DSCAM: variants seen among roughly 807,000 people sequenced by gnomAD.
DSCAM encodes the protein cell adhesion molecule DSCAM.
A neutral mutation model predicts 217.7 loss-of-function variants in DSCAM; 47 were observed. That is an observed-to-expected ratio of 0.22 (90% confidence interval 0.17 to 0.28). The LOEUF (loss-of-function observed/expected upper bound fraction) is 0.28. Among genes scored for constraint, DSCAM ranks in the 10% least tolerant of loss-of-function variants. DSCAM has a pLI of 1.00. For missense variants in DSCAM, 2,080 were observed against 2,618.3 expected, an observed-to-expected ratio of 0.79 and a Z score of 4.49; for synonymous variants, 1,056 against 1,015.3, an observed-to-expected ratio of 1.04 and a Z score of -0.76.
intron 3 of DSCAM, among the ~76,000 whole-genome samples, chr21:40,494,700 C>A (rs1473475730): frequency 1.3e-5 from 2 of 148,398 alleles, no homozygotes; most frequent in African/African-American, 5.0e-5. Flanking sequence ...CTTCAAGGAA[C>A]AAGAAAAAGG....
At chr21:40,075,310 A>T (rs2089350272) in intron 26 of DSCAM, 97 bp from the exon 27 acceptor site, 3 of 1,349,150 alleles carry the variant, frequency 2.2e-6, no homozygotes, top group Non-Finnish European at 3.1e-6. Context: ...TGTGTGATCC[A>T]AGGGTGTTGG....
At chr21:40,634,729 C>T (rs1423473783) in intron 3 of DSCAM, among the ~76,000 whole-genome samples, 1 of 152,176 alleles carries the variant, frequency 6.6e-6, no homozygotes, top group African/African-American at 2.4e-5. Flanking sequence ...TGTGTATCTA[C>T]AAGGTTGTCT....
intron 3 of DSCAM, among the ~76,000 whole-genome samples, chr21:40,471,049 T>C (rs932407149): frequency 6.6e-6 from 1 of 152,232 alleles, no homozygotes; most frequent in Non-Finnish European, 1.5e-5. Flanking sequence ...ATTTCTTTAC[T>C]GGTATTTTTC....
At chr21:40,141,281 G>A (rs193271351) in intron 18 of DSCAM, among the ~76,000 whole-genome samples, 30 of 152,292 alleles carry the variant, frequency 2.0e-4, no homozygotes, top group Admixed American at 3.3e-4. Flanking sequence ...AAAATTAGAG[G>A]TGAGCACTCA....
At chr21:40,763,630 T>C (rs2091358631) in intron 1 of DSCAM, among the ~76,000 whole-genome samples, 1 of 152,194 alleles carries the variant, frequency 6.6e-6, no homozygotes, top group African/African-American at 2.4e-5. Flanking sequence ...AGAGCCTGTG[T>C]AGCCAAGACA....
chr21:40,051,573 C>A (rs911971215), intron 30 of DSCAM, among the ~76,000 whole-genome samples: 1 of 152,158 alleles, frequency 6.6e-6, no homozygotes, highest in African/African-American at 2.4e-5. Flanking sequence ...ATACCTGCTT[C>A]ACGAGTAGGT....
intron 2 of DSCAM, among the ~76,000 whole-genome samples, chr21:40,695,732 A>G (rs1181744849): frequency 6.6e-6 from 1 of 152,258 alleles, no homozygotes; most frequent in Non-Finnish European, 1.5e-5. Flanking sequence ...CTGAATATAT[A>G]GAAAGACAGA....
chr21:40,408,210 T>G (rs2075294788), intron 3 of DSCAM, among the ~76,000 whole-genome samples: 1 of 151,962 alleles, frequency 6.6e-6, no homozygotes, highest in African/African-American at 2.4e-5. Flanking sequence ...CCTAAATAAT[T>G]CAGGGTTAGC....
At chr21:40,546,748 G>A (rs1042423103) in intron 3 of DSCAM, among the ~76,000 whole-genome samples, 7 of 152,130 alleles carry the variant, frequency 4.6e-5, no homozygotes, top group African/African-American at 1.7e-4. Flanking sequence ...TGCTAAAGTT[G>A]GATTTATGTC....
intron 2 of DSCAM, among the ~76,000 whole-genome samples, chr21:40,700,320 T>A (rs1225383614): frequency 1.3e-5 from 2 of 152,244 alleles, no homozygotes; most frequent in Non-Finnish European, 2.9e-5. Context: ...TGATGTTCGC[T>A]ATAGCAGGAT....
At chr21:40,540,816 A>G (rs913965982) in intron 3 of DSCAM, among the ~76,000 whole-genome samples, 1 of 152,166 alleles carries the variant, frequency 6.6e-6, no homozygotes, top group African/African-American at 2.4e-5. Context: ...ACAAATATTG[A>G]GCCAACCAAC....
intron 32 of DSCAM, among the ~76,000 whole-genome samples, chr21:40,017,375 A>G (rs1986467789): frequency 6.6e-6 from 1 of 152,134 alleles, no homozygotes; most frequent in African/African-American, 2.4e-5. Flanking sequence ...TCTTTATTCT[A>G]CTAAGTGATG....
At chr21:40,607,460 A>G (rs1373812066) in intron 3 of DSCAM, among the ~76,000 whole-genome samples, 1 of 127,248 alleles carries the variant, frequency 7.9e-6, no homozygotes, top group Non-Finnish European at 1.6e-5. Flanking sequence ...TCATCTTTTT[A>G]GAAAGCGATA....
chr21:40,344,336 T>A (rs1019152829), intron 6 of DSCAM, among the ~76,000 whole-genome samples: 3 of 152,256 alleles, frequency 2.0e-5, no homozygotes, highest in African/African-American at 7.2e-5. Flanking sequence ...CTCCATTTTA[T>A]GTTCCATTTC....
At chr21:40,411,175 T>TAC (rs902494368) in intron 3 of DSCAM, among the ~76,000 whole-genome samples, 10,301 of 44,588 alleles carry the variant, frequency 0.23, 442 homozygotes, top group Non-Finnish European at 0.33. Flanking sequence ...AGTAATTATA[T>TAC]ACACACACAC....
In DSCAM at chr21:40,829,245, G is replaced by A. The variant is rs187189765; in HGVS notation, c.43+17374C>T. 1.3e-3 allele frequency among the ~76,000 whole-genome samples: 197 copies of A among 152,288 alleles called. 4 individuals carry two copies. The highest frequency in any genetic ancestry group is 0.01 in the Admixed American group (156 of 15,286). On this transcript the variant is annotated intron_variant, in intron 1 of 32. Coordinates refer to ENST00000400454, the MANE Select transcript of DSCAM (RefSeq NM_001389.5). ...AGTCCAAGTATTCACTTGATTCTTC[G>A]GTTTTCTCAGTAAATCATATGAGGT...
intron 3 of DSCAM, among the ~76,000 whole-genome samples, chr21:40,654,023 A>C (rs888314714): frequency 2.6e-5 from 4 of 151,534 alleles, no homozygotes; most frequent in African/African-American, 9.7e-5. Flanking sequence ...TGAACCCAGG[A>C]GGCGGAGGTT....
intron 23 of DSCAM, among the ~76,000 whole-genome samples, chr21:40,084,914 A>T (rs1431812617): frequency 2.0e-5 from 3 of 151,910 alleles, no homozygotes; most frequent in African/African-American, 7.3e-5. Flanking sequence ...AACAGTATTG[A>T]TTTTATTTTT....
At chr21:40,614,255 A>G (rs2837749) in intron 3 of DSCAM, among the ~76,000 whole-genome samples, 43,168 of 151,890 alleles carry the variant, frequency 0.28, 6,399 homozygotes, top group Non-Finnish European at 0.33. Context: ...AGAGTCAAGA[A>G]ATTTTTGTTT....
Sources: allele counts gnomAD v4.1 joint callset (sites outside exome capture counted in the v4.1 genomes callset), GRCh38; gene constraint gnomAD v4.1.1; transcripts MANE v1.5; gene names NCBI Gene and HGNC (gene_info 2026-07-23, HGNC 2026-07-21).